C3orf20: variants seen among roughly 807,000 people sequenced by gnomAD.
C3orf20 encodes the protein uncharacterized protein C3orf20.
A neutral mutation model predicts 88.3 loss-of-function variants in C3orf20; 76 were observed. That is an observed-to-expected ratio of 0.86 (90% confidence interval 0.72 to 1.04). The LOEUF is 1.04. Ranked by LOEUF, C3orf20 falls within the 50% of genes least tolerant of loss-of-function variation. The pLI is 0.00. For missense variants in C3orf20, 1,056 were observed against 1,123.3 expected (o/e 0.94, Z 0.86); for synonymous variants, 436 against 437.4 (o/e 1.00, Z 0.04).
chr3:14,698,263 C>T (rs2033097636), intron 5 of C3orf20, among the ~76,000 whole-genome samples: 1 of 152,160 alleles, frequency 6.6e-6, no homozygotes, highest in Admixed American at 6.5e-5. Context: ...TCTGTTTCTC[C>T]AGAATTGGTC....
intron 1 of C3orf20, among the ~76,000 whole-genome samples, chr3:14,681,256 A>G (rs2032073111): frequency 6.6e-6 from 1 of 152,144 alleles, no homozygotes; most frequent in African/African-American, 2.4e-5. Flanking sequence ...CCCTGTAAAC[A>G]TGGAAGGTGG....
In C3orf20 at chr3:14,726,932, A is replaced by C. The variant is rs1392898078; in HGVS notation, c.1598A>C (p.Lys533Thr). 6.2e-7 allele frequency: 1 copy of C among 1,614,134 alleles called. No individual in the cohort carries two copies. Among genetic ancestry groups the C allele is most frequent in the Middle Eastern group, 1.7e-4 (1 of 6,058 alleles). The change falls in exon 11 of 17, where the codon AAG (lysine) becomes ACG (threonine). Residue 533 changes from lysine to threonine, a missense_variant. By Grantham distance (78) the Lys-to-Thr change is moderately conservative. Coordinates refer to ENST00000253697, the MANE Select transcript of C3orf20 (RefSeq NM_032137.5). ...LNRRISNMDD[K>T]VYKMSRALAE... The stretch of plus-strand genomic sequence containing the variant: ...CGCAGAATCAGCAACATGGACGACA[A>C]GGTGTATAAGATGAGCCGAGCCCTG...
chr3:14,735,885 G>T (rs938533306), intron 12 of C3orf20, among the ~76,000 whole-genome samples: 7 of 152,164 alleles, frequency 4.6e-5, no homozygotes, highest in Non-Finnish European at 8.8e-5. Flanking sequence ...GTGAGCCACT[G>T]CACCTGGCCT....
chr3:14,733,019 A>G (rs1333970454), intron 12 of C3orf20, among the ~76,000 whole-genome samples: 2 of 152,102 alleles, frequency 1.3e-5, no homozygotes, highest in Admixed American at 6.5e-5. Context: ...TGTTTTGTTA[A>G]TATGGTGAAT....
intron 12 of C3orf20, among the ~76,000 whole-genome samples, chr3:14,729,288 A>C (rs1041790511): frequency 7.2e-5 from 11 of 152,164 alleles, no homozygotes; most frequent in Non-Finnish European, 1.5e-4. Flanking sequence ...ACTGAAACCC[A>C]GATGCAAAGG....
intron 15 of C3orf20, among the ~76,000 whole-genome samples, chr3:14,766,671 G>A (rs1167254591): frequency 6.6e-6 from 1 of 152,238 alleles, no homozygotes; most frequent in Non-Finnish European, 1.5e-5. Context: ...GTGGGGACGA[G>A]GTACACAAGA....
intron 5 of C3orf20, among the ~76,000 whole-genome samples, chr3:14,702,785 C>T (rs2033328981): frequency 1.3e-5 from 2 of 152,216 alleles, no homozygotes; most frequent in South Asian, 4.1e-4. Flanking sequence ...CAACAGTCCC[C>T]CAAAGTCTTA....
At chr3:14,721,854 C>A (rs1450032298) in intron 10 of C3orf20, 70 bp downstream of exon 10, 1 of 1,587,750 alleles carries the variant, frequency 6.3e-7, no homozygotes, top group Non-Finnish European at 8.6e-7. Context: ...TGTTTCATAT[C>A]TCAGGGCCTT....
At chr3:14,753,633 TTTG>T (rs903335747) in intron 12 of C3orf20, among the ~76,000 whole-genome samples, 2 of 152,194 alleles carry the variant, frequency 1.3e-5, no homozygotes, top group African/African-American at 4.8e-5. Flanking sequence ...TCAGGTTTTT[TTTG>T]TTGTTGTTGA....
chr3:14,694,659 G>C (rs190498882), intron 5 of C3orf20, among the ~76,000 whole-genome samples: 33 of 152,050 alleles, frequency 2.2e-4, no homozygotes, highest in Admixed American at 1.2e-3. Flanking sequence ...TTGATCTCTT[G>C]TATTGTTTTC....
chr3:14,734,186 C>G (rs937581351), intron 12 of C3orf20, among the ~76,000 whole-genome samples: 1 of 151,986 alleles, frequency 6.6e-6, no homozygotes, highest in Admixed American at 6.6e-5. Context: ...ATACGTTTGT[C>G]TTATTACTTT....
At chr3:14,748,126 G>A (rs1455973483) in intron 12 of C3orf20, among the ~76,000 whole-genome samples, 1 of 151,752 alleles carries the variant, frequency 6.6e-6, no homozygotes, top group Non-Finnish European at 1.5e-5. Flanking sequence ...GGGGGTTTTT[G>A]ATTACTGATT....
chr3:14,714,109 C>T lies in C3orf20; in HGVS notation c.1263C>T (p.Ala421=), dbSNP rs766033368. The T allele has an allele frequency of 2.4e-5, 38 of 1,613,876 alleles. No individual in the cohort carries two copies. Among genetic ancestry groups the T allele is most frequent in the Middle Eastern group, 1.7e-4 (1 of 6,044 alleles). ...ACATACCTGGATTCTCCTTGCTGGC[C>T]CTATTCAATACTGAAGGCCAGGGCT... ...FNDIPGFSLL[A]LFNTEGQGCV... is the part of the protein sequence containing the mutation. Residue 421 remains alanine, a synonymous_variant, in exon 8 of 17, where the codon GCC becomes GCT. Transcript: ENST00000253697.
rs555594608 is a variant in C3orf20, at chr3:14,763,501, A to T, written c.2495+1886A>T. Among the ~76,000 whole-genome samples, 23 of 152,276 alleles carry T rather than the reference A, an allele frequency of 1.5e-4. No homozygotes were observed. The South Asian group carries it at 3.3e-3, about 22-fold the overall frequency. ...TACCTCCCAAAAGCTCTGCCTCCCA[A>T]CACCATCACCTTAGGGATGAGGATT... On this transcript the variant is annotated intron_variant, in intron 15 of 16. Coordinates refer to ENST00000253697, the MANE Select transcript of C3orf20 (RefSeq NM_032137.5).
chr3:14,758,884 G>C (rs73137460), intron 13 of C3orf20, among the ~76,000 whole-genome samples: 42 of 152,320 alleles, frequency 2.8e-4, no homozygotes, highest in African/African-American at 8.7e-4. Flanking sequence ...CTCCAATTTA[G>C]TTCAATCCAG....
At chr3:14,712,411 T>G (rs1263658501) in intron 7 of C3orf20, among the ~76,000 whole-genome samples, 1 of 152,206 alleles carries the variant, frequency 6.6e-6, no homozygotes, top group East Asian at 1.9e-4. Flanking sequence ...ATTATAAATT[T>G]ATGTTGCTTT....
intron 12 of C3orf20, among the ~76,000 whole-genome samples, chr3:14,739,779 T>C (rs2034845991): frequency 6.6e-6 from 1 of 152,266 alleles, no homozygotes. Flanking sequence ...TAATCAGCAC[T>C]TGCTGCTTCA....
intron 6 of C3orf20, 85 bp downstream of exon 6, chr3:14,703,347 G>A: frequency 2.5e-6 from 4 of 1,582,758 alleles, no homozygotes; most frequent in Non-Finnish European, 3.4e-6. Flanking sequence ...GTATATGTGA[G>A]TGGACAGTCA....
chr3:14,700,833 C>T (rs1404367159), intron 5 of C3orf20, among the ~76,000 whole-genome samples: 3 of 152,212 alleles, frequency 2.0e-5, no homozygotes, highest in African/African-American at 7.2e-5. Context: ...GGTTTGAAGT[C>T]ACTTTGGGTG....
Sources: allele counts gnomAD v4.1 joint callset (sites outside exome capture counted in the v4.1 genomes callset), GRCh38; gene constraint gnomAD v4.1.1; transcripts MANE v1.5; gene names NCBI Gene and HGNC (gene_info 2026-07-23, HGNC 2026-07-21).